The following COA1 variants were observed in gnomAD, a reference collection of about 807,000 sequenced individuals.
COA1 encodes cytochrome c oxidase assembly factor 1.
COA1 carries 13 observed loss-of-function variants against 16.0 expected under a neutral mutation model. That is an observed-to-expected ratio of 0.81 (90% CI 0.53 to 1.29). The LOEUF is 1.29. COA1 is among the 50% of genes most tolerant of loss of function. COA1 has a pLI of 0.00. For synonymous variants in COA1, 65 were observed against 65.7 expected (o/e 0.99, Z 0.05); for missense variants, 179 against 177.0 (o/e 1.01, Z -0.06).
In COA1 at chr7:43,617,552, C is replaced by CTA. The variant is rs1414411553; in HGVS notation, c.*134-8058_*134-8057insTA. ...CTCCTATTCTGAGGGATGATCATAGCATTCACTGAGACGCCTGTCATTGGC... is the reference window on the plus strand; with the variant it reads ...CTCCTATTCTGAGGGATGATCATAGCTAATTCACTGAGACGCCTGTCATTGGC... On this transcript the variant is annotated intron_variant and NMD_transcript_variant, in intron 6 of 6. Coordinates refer to the COA1 transcript ENST00000415076. 2.0e-5 allele frequency among the ~76,000 whole-genome samples: 3 copies of CTA among 152,160 alleles called. No individual in the cohort carries two copies. In the East Asian group the frequency reaches 5.8e-4, roughly 29 times the overall value.
chr7:43,648,521 G>T, intron 2 of COA1, 79 bp downstream of exon 2: 1 of 1,452,266 alleles, frequency 6.9e-7, no homozygotes, highest in Non-Finnish European at 9.7e-7. Context: ...TATTCAGGGA[G>T]TGACTTTCTT....
intron 1 of COA1, among the ~76,000 whole-genome samples, chr7:43,696,662 TATA>T (rs992422625): frequency 3.3e-5 from 5 of 152,074 alleles, no homozygotes; most frequent in African/African-American, 1.2e-4. Flanking sequence ...TACATCCATA[TATA>T]ATAAAATAAA....
intron 6 of COA1, among the ~76,000 whole-genome samples, chr7:43,619,440 T>G (rs1178460924): frequency 6.6e-6 from 1 of 152,202 alleles, no homozygotes; most frequent in African/African-American, 2.4e-5. Flanking sequence ...GCCTTATACA[T>G]AGGCAATAAA....
chr7:43,716,326 G>C (rs556397520), intron 1 of COA1, among the ~76,000 whole-genome samples: 26 of 152,152 alleles, frequency 1.7e-4, no homozygotes, highest in Non-Finnish European at 3.4e-4. Flanking sequence ...GTGATATGAA[G>C]AGTAAGGTTC....
chr7:43,682,837 G>A (rs905402375), intron 1 of COA1, among the ~76,000 whole-genome samples: 2 of 152,048 alleles, frequency 1.3e-5, no homozygotes, highest in Non-Finnish European at 2.9e-5. Flanking sequence ...CTGATAGTTT[G>A]TTTTTTGGGG....
intron 1 of COA1, among the ~76,000 whole-genome samples, chr7:43,722,945 C>T (rs1192179185): frequency 6.6e-6 from 1 of 152,094 alleles, no homozygotes; most frequent in Non-Finnish European, 1.5e-5. Flanking sequence ...CACCAGAGTC[C>T]AAATGACAGA....
chr7:43,669,445 A>G (rs1248055794), intron 1 of COA1, among the ~76,000 whole-genome samples: 2 of 152,104 alleles, frequency 1.3e-5, no homozygotes, highest in African/African-American at 4.8e-5. Flanking sequence ...GTGCCTGGCA[A>G]CACGGCCGCC....
At chr7:43,697,120 A>G (rs1247813659) in intron 1 of COA1, among the ~76,000 whole-genome samples, 1 of 151,610 alleles carries the variant, frequency 6.6e-6, no homozygotes, top group East Asian at 1.9e-4. Flanking sequence ...CTCCATCTCA[A>G]AAAACAAAAA....
At chr7:43,683,505 G>T (rs2093870023) in intron 1 of COA1, among the ~76,000 whole-genome samples, 2 of 152,040 alleles carry the variant, frequency 1.3e-5, no homozygotes, top group South Asian at 4.1e-4. Context: ...ATGGTGGCAG[G>T]CACCTGTAGT....
intron 1 of COA1, among the ~76,000 whole-genome samples, chr7:43,662,137 C>T (rs2092488951): frequency 6.6e-6 from 1 of 152,242 alleles, no homozygotes; most frequent in Non-Finnish European, 1.5e-5. Context: ...AGAAGATCTA[C>T]AATTATCTGA....
At chr7:43,613,099 G>A (rs186538294) in intron 6 of COA1, among the ~76,000 whole-genome samples, 1 of 152,312 alleles carries the variant, frequency 6.6e-6, no homozygotes, top group Admixed American at 6.5e-5. Flanking sequence ...ATAGCACAAA[G>A]AAATCTGGTC....
chr7:43,727,416 G>A (rs2108409), intron 1 of COA1, among the ~76,000 whole-genome samples: 22,384 of 152,200 alleles, frequency 0.15, 2,194 homozygotes, highest in Non-Finnish European at 0.21. Flanking sequence ...AAAACTTGTA[G>A]GTGAATGTTC....
At chr7:43,644,476 T>C (rs1318868468) in intron 4 of COA1, among the ~76,000 whole-genome samples, 1 of 152,086 alleles carries the variant, frequency 6.6e-6, no homozygotes, top group Admixed American at 6.6e-5. Flanking sequence ...AAATCAAAGT[T>C]TAAAGAGTTG....
intron 1 of COA1, among the ~76,000 whole-genome samples, chr7:43,682,897 T>A (rs1192791725): frequency 2.0e-5 from 3 of 152,356 alleles, no homozygotes; most frequent in Admixed American, 2.0e-4. Flanking sequence ...TCGCCCAGGC[T>A]GGAGTGCAAT....
At chr7:43,638,170 A>G (rs146908901), downstream of COA1, among the ~76,000 whole-genome samples, 194 of 152,236 alleles carry the variant, frequency 1.3e-3, no homozygotes, top group African/African-American at 4.5e-3. Context: ...ACTCCAGAAT[A>G]GAGATAACTT....
intron 1 of COA1, chr7:43,711,254 A>G (rs952902592): frequency 6.6e-6 from 1 of 152,114 alleles, no homozygotes; most frequent in African/African-American, 2.4e-5. Context: ...ATATATACAT[A>G]TATAAGAGAG....
intron 1 of COA1, among the ~76,000 whole-genome samples, chr7:43,702,055 T>C (rs1298019712): frequency 6.6e-6 from 1 of 152,150 alleles, no homozygotes; most frequent in Non-Finnish European, 1.5e-5. Context: ...ATAGTTTCTT[T>C]CACTGTGCAG....
intron 6 of COA1, among the ~76,000 whole-genome samples, chr7:43,613,628 A>G (rs964212415): frequency 1.3e-5 from 2 of 152,112 alleles, no homozygotes; most frequent in Admixed American, 1.3e-4. Flanking sequence ...GGACCACATG[A>G]GCCCAGGAGT....
At chr7:43,631,760 G>C (rs1161043850) in intron 6 of COA1, 3 of 152,116 alleles carry the variant, frequency 2.0e-5, no homozygotes, top group Admixed American at 2.0e-4. Context: ...TCAGAAATAC[G>C]CATCACTTTC....
Sources: gnomAD v4.1 joint callset for allele counts (sites outside exome capture counted in the v4.1 genomes callset) on GRCh38, gnomAD v4.1.1 for gene constraint, MANE v1.5 for transcripts, NCBI Gene and HGNC (gene_info 2026-07-23, HGNC 2026-07-21) for gene names.